The following ZDHHC14 variants were observed in gnomAD, a reference collection of about 807,000 sequenced individuals.
ZDHHC14 encodes the protein zDHHC palmitoyltransferase 14.
ZDHHC14 carries 16 observed loss-of-function variants against 47.7 expected under a neutral mutation model. The observed-to-expected ratio is 0.34, with a 90% confidence interval of 0.23 to 0.51. The LOEUF (loss-of-function observed/expected upper bound fraction) is 0.51. Among genes scored for constraint, ZDHHC14 ranks in the 20% least tolerant of loss-of-function variants. The pLI is 0.97. For synonymous variants in ZDHHC14, 293 were observed against 278.9 expected, an observed-to-expected ratio of 1.05 and a Z score of -0.50; for missense variants, 515 against 662.5, an observed-to-expected ratio of 0.78 and a Z score of 2.44.
At chr6:157,400,163 C>T (rs1055935464) in intron 1 of ZDHHC14, among the ~76,000 whole-genome samples, 9 of 152,208 alleles carry the variant, frequency 5.9e-5, no homozygotes, top group South Asian at 2.1e-4. Context: ...GTGTGGTCCA[C>T]GCTTGGGCAG....
chr6:157,404,321 G>C (rs1028084388), intron 1 of ZDHHC14, among the ~76,000 whole-genome samples: 1 of 152,082 alleles, frequency 6.6e-6, no homozygotes, highest in Admixed American at 6.6e-5. Flanking sequence ...TTTTCGTAGA[G>C]GTGGGGTTTT....
At chr6:157,495,766 G>A (rs926677703) in intron 1 of ZDHHC14, among the ~76,000 whole-genome samples, 3 of 140,550 alleles carry the variant, frequency 2.1e-5, no homozygotes, top group Non-Finnish European at 4.5e-5. Context: ...GTGCAGTGGT[G>A]TAATCTCAGC....
intron 8 of ZDHHC14, among the ~76,000 whole-genome samples, chr6:157,660,193 T>C (rs893898669): frequency 6.6e-5 from 10 of 151,724 alleles, no homozygotes; most frequent in African/African-American, 2.2e-4. Flanking sequence ...TTTTTCTTTT[T>C]TTTTTTTTTT....
At chr6:157,426,090 G>A (rs1006267075) in intron 1 of ZDHHC14, among the ~76,000 whole-genome samples, 2 of 152,200 alleles carry the variant, frequency 1.3e-5, no homozygotes, top group African/African-American at 4.8e-5. Context: ...TGAATCTGAG[G>A]CTGCCAGACC....
At chr6:157,593,183 G>C in intron 3 of ZDHHC14, 37 bp downstream of exon 3, 1 of 1,582,282 alleles carries the variant, frequency 6.3e-7, no homozygotes, top group Non-Finnish European at 8.6e-7. Flanking sequence ...CGGGAGCCCG[G>C]GTCCTCCGGG....
intron 3 of ZDHHC14, among the ~76,000 whole-genome samples, chr6:157,622,631 C>A (rs1785241168): frequency 6.6e-6 from 1 of 152,020 alleles, no homozygotes; most frequent in Admixed American, 6.6e-5. Context: ...CTCTCTCCTC[C>A]CACTCTTTCT....
At chr6:157,617,709 G>A (rs1282822679) in intron 3 of ZDHHC14, among the ~76,000 whole-genome samples, 1 of 152,184 alleles carries the variant, frequency 6.6e-6, no homozygotes, top group Non-Finnish European at 1.5e-5. Flanking sequence ...AATTGACTGA[G>A]GGTTCAAAAG....
At chr6:157,596,129 C>T (rs1265153747) in intron 3 of ZDHHC14, among the ~76,000 whole-genome samples, 1 of 152,148 alleles carries the variant, frequency 6.6e-6, no homozygotes, top group Non-Finnish European at 1.5e-5. Flanking sequence ...CTTCGGTTTT[C>T]CGGTTAATTA....
intron 1 of ZDHHC14, among the ~76,000 whole-genome samples, chr6:157,521,332 G>A (rs1285213067): frequency 6.6e-6 from 1 of 152,230 alleles, no homozygotes; most frequent in Admixed American, 6.5e-5. Context: ...CCTTGAGTGA[G>A]GGACTTGTGT....
intron 4 of ZDHHC14, among the ~76,000 whole-genome samples, chr6:157,628,897 G>A (rs762360763): frequency 3.3e-5 from 5 of 152,166 alleles, no homozygotes; most frequent in Non-Finnish European, 5.9e-5. Flanking sequence ...GAAGAGCAGA[G>A]TTTTCTTCCT....
chr6:157,456,838 C>G (rs971887064), intron 1 of ZDHHC14, among the ~76,000 whole-genome samples: 3 of 152,062 alleles, frequency 2.0e-5, no homozygotes, highest in African/African-American at 2.4e-5. Flanking sequence ...AATCGCATTA[C>G]ATGTGCTGGT....
intron 1 of ZDHHC14, among the ~76,000 whole-genome samples, chr6:157,493,353 C>T (rs1449975452): frequency 6.6e-6 from 1 of 152,240 alleles, no homozygotes; most frequent in Non-Finnish European, 1.5e-5. Flanking sequence ...AGGGCTGGCA[C>T]AGGCCCGGGC....
intron 7 of ZDHHC14, 45 bp from the exon 8 acceptor site, chr6:157,653,480 C>A (rs1777934512): frequency 6.2e-7 from 1 of 1,604,352 alleles, no homozygotes; most frequent in South Asian, 1.1e-5. Context: ...GCATCTCTGG[C>A]TTTTTATTCA....
intron 3 of ZDHHC14, among the ~76,000 whole-genome samples, chr6:157,595,271 C>G (rs144202947): frequency 0.024 from 3,429 of 140,204 alleles, 135 homozygotes; most frequent in African/African-American, 0.085. Flanking sequence ...CAGCTCATTG[C>G]AACCTCCACC....
chr6:157,406,044 C>T (rs1777753002), intron 1 of ZDHHC14, among the ~76,000 whole-genome samples: 1 of 152,148 alleles, frequency 6.6e-6, no homozygotes, highest in Non-Finnish European at 1.5e-5. Flanking sequence ...TTGAGTTAAA[C>T]CTTGTCCTTT....
chr6:157,608,389 G>A (rs984390113), intron 3 of ZDHHC14, among the ~76,000 whole-genome samples: 1 of 151,954 alleles, frequency 6.6e-6, no homozygotes, highest in Admixed American at 6.6e-5. Context: ...AGGAGGCACC[G>A]GTGGTACAGG....
At chr6:157,552,448 C>G (rs1387540883) in intron 2 of ZDHHC14, among the ~76,000 whole-genome samples, 1 of 152,002 alleles carries the variant, frequency 6.6e-6, no homozygotes, top group African/African-American at 2.4e-5. Flanking sequence ...GGAGAAAAAC[C>G]CCCCTGGAGG....
At chr6:157,607,562 A>G (rs1327614808) in intron 3 of ZDHHC14, among the ~76,000 whole-genome samples, 2 of 152,206 alleles carry the variant, frequency 1.3e-5, no homozygotes, top group East Asian at 3.8e-4. Flanking sequence ...TTCTGTGAGC[A>G]AAGGATGTTT....
chr6:157,605,868 A>G (rs999124140), intron 3 of ZDHHC14, among the ~76,000 whole-genome samples: 3 of 152,170 alleles, frequency 2.0e-5, no homozygotes, highest in Admixed American at 1.3e-4. Context: ...TCACCAGCCT[A>G]TAAAGGCTTT....
Sources: gnomAD v4.1 joint callset for allele counts (sites outside exome capture counted in the v4.1 genomes callset) on GRCh38, gnomAD v4.1.1 for gene constraint, MANE v1.5 for transcripts, NCBI Gene and HGNC (gene_info 2026-07-23, HGNC 2026-07-21) for gene names.